CYYR1: variants seen among roughly 807,000 people sequenced by gnomAD.
CYYR1 encodes the protein cysteine and tyrosine-rich protein 1.
CYYR1 carries 14 observed loss-of-function variants against 15.2 expected under a neutral mutation model. The observed-to-expected ratio is 0.92, with a 90% confidence interval of 0.61 to 1.44. CYYR1 has a LOEUF of 1.44. Among genes scored for constraint, CYYR1 ranks in the 40% most tolerant of loss-of-function variants. The pLI is 0.00. For synonymous variants in CYYR1, 80 were observed against 77.4 expected, an observed-to-expected ratio of 1.03 and a Z score of -0.18; for missense variants, 228 against 209.5, an observed-to-expected ratio of 1.09 and a Z score of -0.54.
chr21:26,469,887 TGAAAAA>T (rs1426212647), intron 3 of CYYR1, among the ~76,000 whole-genome samples: 1 of 152,150 alleles, frequency 6.6e-6, no homozygotes, highest in African/African-American at 2.4e-5. Context: ...TCTCTAGTGT[TGAAAAA>T]GAAGTACTCC....
In CYYR1 at chr21:26,566,289, G is replaced by C; in HGVS notation, c.153C>G (p.Tyr51Ter). Residue 51 changes from tyrosine (Y) to a stop codon, truncating the protein, a stop_gained, in exon 2 of 4, where the codon TAC (tyrosine) becomes TAG (stop). Coordinates refer to ENST00000652641, the MANE Select transcript of CYYR1 (RefSeq NM_001320768.2). LOFTEE classifies it high-confidence loss of function. ...ACGAGAGGATATTCCCAATATAAGC[G>C]TAGTAGGAGCAACAGTAGGGCGTGG... ...DGTTPYCCSYYAYIGNILSGT... is the reference protein window; with the variant it reads ...DGTTPYCCSY The C allele has an allele frequency of 6.2e-7, 1 of 1,613,458 alleles. No individual in the cohort carries two copies. The highest frequency in any genetic ancestry group is 8.5e-7 in the Non-Finnish European group (1 of 1,179,554).
At chr21:26,527,712 A>T (rs1429408739) in intron 2 of CYYR1, among the ~76,000 whole-genome samples, 5 of 152,218 alleles carry the variant, frequency 3.3e-5, no homozygotes, top group African/African-American at 1.2e-4. Context: ...TTGTATAAAG[A>T]GTACTGCTGC....
rs1601713886 is a variant in CYYR1 at position 26,466,785 on chromosome 21, A to G, written c.*1716T>C. On this transcript the variant is annotated 3_prime_UTR_variant, in exon 4 of 4. Transcript: ENST00000652641. ...CTATTAAAATTGCACTGAAAACTTT[A>G]TGTAAGTCAGGGAGCCCCTCACCAG... is the stretch of plus-strand genomic sequence containing the variant. 6.6e-6 allele frequency: 1 copy of G among 152,156 alleles called. No homozygotes were observed. Among genetic ancestry groups the G allele is most frequent in the Non-Finnish European group, 1.5e-5 (1 of 68,016 alleles). 9.4% of individuals were successfully genotyped at this position (152,156 alleles called of 1,614,324 possible).
intron 2 of CYYR1, among the ~76,000 whole-genome samples, chr21:26,480,816 T>C (rs902483237): frequency 1.3e-5 from 2 of 152,176 alleles, no homozygotes; most frequent in East Asian, 1.9e-4. Context: ...GCATAGCATG[T>C]ATGTGTTTAA....
chr21:26,533,036 A>C (rs1226620151), intron 2 of CYYR1, among the ~76,000 whole-genome samples: 1 of 149,516 alleles, frequency 6.7e-6, no homozygotes, highest in Non-Finnish European at 1.5e-5. Flanking sequence ...AAAAATTCTT[A>C]AGTCTGAAAT....
intron 2 of CYYR1, among the ~76,000 whole-genome samples, chr21:26,553,897 T>C (rs1979577771): frequency 6.6e-6 from 1 of 152,216 alleles, no homozygotes; most frequent in African/African-American, 2.4e-5. Context: ...GAAACTCATT[T>C]TAGAATTGAT....
intron 3 of CYYR1, chr21:26,471,510 A>G (rs1240558726): frequency 6.6e-6 from 1 of 152,196 alleles, no homozygotes; most frequent in African/African-American, 2.4e-5. Flanking sequence ...CATTCATACA[A>G]CCTTTGAATT....
intron 2 of CYYR1, among the ~76,000 whole-genome samples, chr21:26,497,642 T>C (rs960658767): frequency 1.3e-5 from 2 of 152,200 alleles, no homozygotes; most frequent in Non-Finnish European, 2.9e-5. Flanking sequence ...AAATTCAAGT[T>C]ATTAAACTAC....
intron 2 of CYYR1, among the ~76,000 whole-genome samples, chr21:26,491,904 C>A (rs974575266): frequency 6.6e-6 from 1 of 152,150 alleles, no homozygotes; most frequent in African/African-American, 2.4e-5. Flanking sequence ...CTGGGGAGAT[C>A]TCCTGTTCTA....
chr21:26,482,810 G>A (rs914311760), intron 2 of CYYR1, among the ~76,000 whole-genome samples: 8 of 151,892 alleles, frequency 5.3e-5, no homozygotes, highest in South Asian at 2.1e-4. Flanking sequence ...GTGTGATACC[G>A]TTTTTTCTTT....
At chr21:26,555,827 T>C (rs1394353713) in intron 2 of CYYR1, among the ~76,000 whole-genome samples, 1 of 152,190 alleles carries the variant, frequency 6.6e-6, no homozygotes, top group Non-Finnish European at 1.5e-5. Context: ...ATCAGAATTC[T>C]TCCAACATAA....
intron 3 of CYYR1, among the ~76,000 whole-genome samples, chr21:26,473,253 A>G (rs939842227): frequency 6.6e-6 from 1 of 151,944 alleles, no homozygotes; most frequent in African/African-American, 2.4e-5. Flanking sequence ...CCCAAACCCC[A>G]CTACTCACAA....
At chr21:26,477,650 A>G in intron 3 of CYYR1, 1 of 744,302 alleles carries the variant, frequency 1.3e-6, no homozygotes, top group South Asian at 6.1e-5. Context: ...TGAACATTTT[A>G]TAAAAATATT....
At chr21:26,547,459 T>C (rs917753192) in intron 2 of CYYR1, among the ~76,000 whole-genome samples, 3 of 152,140 alleles carry the variant, frequency 2.0e-5, no homozygotes, top group South Asian at 2.1e-4. Context: ...TCCCAGGCCA[T>C]TGTATGTTCT....
chr21:26,546,302 C>A (rs1488786222), intron 2 of CYYR1, among the ~76,000 whole-genome samples: 1 of 152,224 alleles, frequency 6.6e-6, no homozygotes, highest in African/African-American at 2.4e-5. Context: ...GCCACAGATT[C>A]TCTTCTGACT....
intron 2 of CYYR1, among the ~76,000 whole-genome samples, chr21:26,532,394 C>A (rs1231500557): frequency 6.6e-6 from 1 of 152,102 alleles, no homozygotes; most frequent in East Asian, 1.9e-4. Context: ...GCTTCTAAGA[C>A]AAAAGCTATT....
chr21:26,521,036 G>A (rs1447827816), intron 2 of CYYR1, among the ~76,000 whole-genome samples: 2 of 152,146 alleles, frequency 1.3e-5, no homozygotes, highest in East Asian at 1.9e-4. Flanking sequence ...CCGTCAGGGG[G>A]TGCGGAGGGA....
intron 2 of CYYR1, 48 bp from the exon 3 acceptor site, chr21:26,480,477 T>A: frequency 6.4e-7 from 1 of 1,563,862 alleles, no homozygotes; most frequent in Non-Finnish European, 8.7e-7. Flanking sequence ...GTAAGCATTC[T>A]TTAGACTTTC....
intron 2 of CYYR1, among the ~76,000 whole-genome samples, chr21:26,506,093 C>T (rs902377576): frequency 1.3e-5 from 2 of 152,110 alleles, no homozygotes; most frequent in Admixed American, 6.5e-5. Context: ...CCATTGTGCC[C>T]ATTACAGTCA....
Sources: gnomAD v4.1 joint callset for allele counts (sites outside exome capture counted in the v4.1 genomes callset) on GRCh38, gnomAD v4.1.1 for gene constraint, MANE v1.5 for transcripts, NCBI Gene and HGNC (gene_info 2026-07-23, HGNC 2026-07-21) for gene names.